The following GOLGA1 variants were observed in gnomAD, a reference collection of about 807,000 sequenced individuals.
GOLGA1 encodes golgin subfamily A member 1.
Under a neutral mutation model 119.7 loss-of-function variants are expected in GOLGA1, and 63 were observed. The ratio of observed to expected loss-of-function variants is 0.53; its 90% CI spans 0.43 to 0.65. The LOEUF (loss-of-function observed/expected upper bound fraction) is 0.65. Ranked by LOEUF, GOLGA1 falls within the 30% of genes least tolerant of loss-of-function variation. The pLI is 0.00. For synonymous variants in GOLGA1, 318 were observed against 333.4 expected (o/e 0.95, Z 0.50); for missense variants, 798 against 912.8 (o/e 0.87, Z 1.62).
chr9:124,933,862 T>C (rs1402912048), intron 3 of GOLGA1, among the ~76,000 whole-genome samples: 5 of 152,226 alleles, frequency 3.3e-5, no homozygotes, highest in Admixed American at 6.5e-5. Context: ...GAATGGAGCA[T>C]GTCCTATGTA....
At position 124,888,528 on chromosome 9, in the gene GOLGA1, A is replaced by AG. The variant is rs1829778281; in HGVS notation, c.1762-133dup. ...TGCTCCAACAGGCAACTGGCCAGGA[A>AG]GCAATTCCTGGAGAAGATCCAATGC... On this transcript the variant is annotated intron_variant, in intron 18 of 22. Coordinates refer to ENST00000373555, the MANE Select transcript of GOLGA1 (RefSeq NM_002077.4). The surrounding 1 kb of genome is among the most constrained non-coding windows in gnomAD (Gnocchi z 4.4). 4.0e-6 allele frequency: 3 copies of AG among 742,046 alleles called. No individual in the cohort carries two copies. Among genetic ancestry groups the AG allele is most frequent in the Non-Finnish European group, 6.9e-6 (3 of 437,752 alleles). The allele number at this position is 742,046 out of a possible 1,614,324, so 46.0% of individuals were successfully genotyped here. A position where few individuals can be genotyped will look rare whatever the true frequency, so the allele number is the denominator to read the frequency against.
rs1224600250 is a variant in GOLGA1 at position 124,880,206 on chromosome 9, TG to T, written c.*323del. The T allele has an allele frequency of 9.1e-6, 2 of 218,652 alleles. No homozygotes were observed. Among genetic ancestry groups the T allele is most frequent in the South Asian group, 6.7e-5 (1 of 14,862 alleles). 13.5% of individuals were successfully genotyped at this position (218,652 alleles called of 1,614,324 possible). A position where few individuals can be genotyped will look rare whatever the true frequency, so the allele number is the denominator to read the frequency against. On this transcript the variant is annotated 3_prime_UTR_variant, in exon 23 of 23. Coordinates refer to ENST00000373555, the MANE Select transcript of GOLGA1 (RefSeq NM_002077.4). ...CTCAGGTGTGCCTGCCAGATGCTGA[TG>T]GCTTCAGCTGTAAGTGCTACCGTGA...
intron 12 of GOLGA1, among the ~76,000 whole-genome samples, chr9:124,903,651 CA>C (rs11435294): frequency 0.56 from 51,482 of 91,184 alleles, 13,175 homozygotes; most frequent in South Asian, 0.63. Context: ...AGAAAAAGAC[CA>C]AAAAAAAAAA....
chr9:124,921,674 G>C, intron 9 of GOLGA1, 49 bp downstream of exon 9: 1 of 1,449,214 alleles, frequency 6.9e-7, no homozygotes, highest in Non-Finnish European at 9.6e-7. Context: ...GCTATAGCCA[G>C]AACTACACTA....
At chr9:124,923,617 T>C (rs1364423316) in intron 7 of GOLGA1, among the ~76,000 whole-genome samples, 2 of 152,078 alleles carry the variant, frequency 1.3e-5, no homozygotes, top group Admixed American at 6.6e-5. Context: ...TTTAAATAAT[T>C]GTGAAAAAGG....
chr9:124,891,061 C>A (rs768213357), intron 15 of GOLGA1, among the ~76,000 whole-genome samples: 4 of 152,088 alleles, frequency 2.6e-5, no homozygotes, highest in Non-Finnish European at 5.9e-5. Context: ...GAGGCCGAGG[C>A]GAGAGGATTG....
At chr9:124,929,821 C>T (rs576011656) in intron 4 of GOLGA1, among the ~76,000 whole-genome samples, 12 of 152,176 alleles carry the variant, frequency 7.9e-5, no homozygotes, top group South Asian at 2.1e-4. Flanking sequence ...TGGTAACCTA[C>T]GCTACATTAA....
At position 124,888,853 on chromosome 9, in the gene GOLGA1, C is replaced by T. The variant is rs1409547014; in HGVS notation, c.1761+290G>A. On this transcript the variant is annotated intron_variant, in intron 18 of 22. Transcript: ENST00000373555. This position sits in a 1 kb window ranked among gnomAD's most constrained non-coding sequence, Gnocchi z 4.4. The stretch of plus-strand genomic sequence containing the variant: ...TAGCTGGGACTACAGGCACTCGCCA[C>T]CACGCCTAGCTAATTTTTTGTATTT... Among the ~76,000 whole-genome samples the T allele has an allele frequency of 2.0e-5, 3 of 152,208 alleles. No homozygotes were observed. Among genetic ancestry groups the T allele is most frequent in the Non-Finnish European group, 2.9e-5 (2 of 68,032 alleles).
At chr9:124,927,437 T>C (rs902490040) in intron 6 of GOLGA1, among the ~76,000 whole-genome samples, 2 of 152,146 alleles carry the variant, frequency 1.3e-5, no homozygotes, top group African/African-American at 2.4e-5. Flanking sequence ...TTTTTCTGGC[T>C]AGTAAATGTC....
chr9:124,942,464 G>A (rs1183684361), upstream of GOLGA1: 1 of 152,110 alleles, frequency 6.6e-6, no homozygotes, highest in African/African-American at 2.4e-5. Context: ...GCAGGAGCAG[G>A]GCAGGGAAAA....
chr9:124,932,717 C>G (rs976574999), intron 3 of GOLGA1, among the ~76,000 whole-genome samples: 1 of 152,160 alleles, frequency 6.6e-6, no homozygotes, highest in African/African-American at 2.4e-5. Context: ...TTATAAACAA[C>G]AGAAATGTAT....
chr9:124,923,206 T>A lies in GOLGA1; in HGVS notation c.450A>T (p.Thr150=). The change falls in exon 8 of 23, where the codon ACA becomes ACT. Residue 150 remains threonine, a synonymous_variant. Transcript: ENST00000373555. The part of the protein sequence containing the change: ...DQLEKEKNIL[T]AQLQEMKNQS... ...GGTTCTTCATTTCCTGTAACTGGGC[T>A]GTCAGAATATTTTTCTCCTATTTGA... The A allele has an allele frequency of 3.8e-6, 6 of 1,596,682 alleles. No homozygotes were observed. The highest frequency in any genetic ancestry group is 5.1e-6 in the Non-Finnish European group (6 of 1,167,730).
At chr9:124,883,275 T>G (rs1478768025) in intron 19 of GOLGA1, among the ~76,000 whole-genome samples, 2 of 151,192 alleles carry the variant, frequency 1.3e-5, no homozygotes, top group Non-Finnish European at 2.9e-5. Context: ...TTTTGTCTTT[T>G]TCTTCTTCTT....
At chr9:124,909,472 G>A (rs763541622) in intron 11 of GOLGA1, among the ~76,000 whole-genome samples, 2 of 151,912 alleles carry the variant, frequency 1.3e-5, no homozygotes, top group Non-Finnish European at 2.9e-5. Context: ...GCTGGATGTG[G>A]TGGTGTGCAC....
chr9:124,928,315 T>C, intron 5 of GOLGA1, 30 bp from the exon 6 acceptor site: 1 of 1,173,962 alleles, frequency 8.5e-7, no homozygotes, highest in Non-Finnish European at 1.3e-6. Flanking sequence ...ATTTGAGATA[T>C]GAAAACACTT....
In GOLGA1 at chr9:124,934,015, T is replaced by A. The variant is rs1453639534; in HGVS notation, c.136-2609A>T. Among the ~76,000 whole-genome samples, 3 of 152,166 alleles carry A rather than the reference T, an allele frequency of 2.0e-5. No individual in the cohort carries two copies. The East Asian group carries it at 5.8e-4, about 30-fold the overall frequency. On this transcript the variant is annotated intron_variant, in intron 3 of 22. Coordinates refer to ENST00000373555, the MANE Select transcript of GOLGA1 (RefSeq NM_002077.4). ...GTGAGTAAAACTATATGGTGAGTCT[T>A]GTGAGTCCTCCTAGTGAATAATTAA...
Position 124,923,120 on chromosome 9 carries a change from T to C in GOLGA1, c.536A>G (p.Gln179Arg). 1 of 1,608,998 alleles carries C rather than the reference T, an allele frequency of 6.2e-7. No individual in the cohort carries two copies. Among genetic ancestry groups the C allele is most frequent in the Non-Finnish European group, 8.5e-7 (1 of 1,176,870 alleles). Residue 179 changes from glutamine to arginine, a missense_variant, in exon 8 of 23, where the codon CAG becomes CGG. By Grantham distance (43) the Gln-to-Arg change is conservative. Coordinates refer to ENST00000373555, the MANE Select transcript of GOLGA1 (RefSeq NM_002077.4). ...CATGTGCTTTATTTTACTTAGTTCC[T>C]GCTGCTGGAACCCCTCTAATTCATC... ...EMDELEGFQQ[Q>R]ELSKIKHMLL...
At chr9:124,917,859 AT>A (rs1333564299) in intron 10 of GOLGA1, among the ~76,000 whole-genome samples, 3 of 149,670 alleles carry the variant, frequency 2.0e-5, no homozygotes, top group East Asian at 2.0e-4. Flanking sequence ...ATATATATAT[AT>A]TTTTTTTTTG....
chr9:124,919,322 G>A (rs145945205), intron 10 of GOLGA1, among the ~76,000 whole-genome samples: 1 of 152,260 alleles, frequency 6.6e-6, no homozygotes, highest in African/African-American at 2.4e-5. Context: ...TCTTGTTTGA[G>A]CATTTCTTTT....
Sources: gnomAD v4.1 joint callset for allele counts (sites outside exome capture counted in the v4.1 genomes callset) on GRCh38, gnomAD v4.1.1 for gene constraint, Gnocchi (gnomAD v3.1) non-coding constraint, MANE v1.5 for transcripts, NCBI Gene and HGNC (gene_info 2026-07-23, HGNC 2026-07-21) for gene names.